NAV3: variants seen among roughly 807,000 people sequenced by gnomAD.
NAV3 encodes neuron navigator 3.
NAV3 carries 87 observed loss-of-function variants against 244.7 expected under a neutral mutation model. That is an observed-to-expected ratio of 0.36 (90% CI 0.30 to 0.42). The LOEUF is 0.42. NAV3 is among the 20% of genes least tolerant of loss of function. The pLI is 1.00. For missense variants in NAV3, 2,663 were observed against 2,893.3 expected (o/e 0.92, Z 1.83); for synonymous variants, 1,126 against 1,042.2 (o/e 1.08, Z -1.55).
At chr12:77,957,718 G>T (rs1482456548) in intron 3 of NAV3, among the ~76,000 whole-genome samples, 1 of 152,066 alleles carries the variant, frequency 6.6e-6, no homozygotes, top group Non-Finnish European at 1.5e-5. Flanking sequence ...TGGCTGGAGT[G>T]TAGTGGGGTG....
chr12:78,117,895 A>T, intron 13 of NAV3, 132 bp from the exon 14 acceptor site: 1 of 909,820 alleles, frequency 1.1e-6, no homozygotes, highest in Non-Finnish European at 1.5e-6. Flanking sequence ...AAAATTAATA[A>T]AATGTAAGTG....
intron 16 of NAV3, among the ~76,000 whole-genome samples, chr12:78,123,756 C>T (rs1955783648): frequency 6.6e-6 from 1 of 152,124 alleles, no homozygotes; most frequent in Admixed American, 6.5e-5. Context: ...TCAGTGATAG[C>T]AAATAAAATG....
chr12:77,956,908 G>T (rs897069732), intron 3 of NAV3, among the ~76,000 whole-genome samples: 8 of 151,736 alleles, frequency 5.3e-5, no homozygotes, highest in Non-Finnish European at 1.2e-4. Flanking sequence ...ACACCCAGCT[G>T]ATTTTTGTAT....
chr12:77,751,260 T>C (rs1413282018), intron 2 of NAV3, among the ~76,000 whole-genome samples: 1 of 152,254 alleles, frequency 6.6e-6, no homozygotes, highest in African/African-American at 2.4e-5. Context: ...AGCCTCTTTG[T>C]AGCCTCTTTT....
At chr12:78,181,877 C>T (rs1191347615) in intron 30 of NAV3, among the ~76,000 whole-genome samples, 1 of 151,904 alleles carries the variant, frequency 6.6e-6, no homozygotes, top group Non-Finnish European at 1.5e-5. Context: ...AATGACATGG[C>T]ATGCTGATAT....
chr12:77,850,162 G>A (rs968896565), intron 1 of NAV3, among the ~76,000 whole-genome samples: 3 of 152,202 alleles, frequency 2.0e-5, no homozygotes, highest in Non-Finnish European at 2.9e-5. Flanking sequence ...TAGAAAATCA[G>A]TAAGGAGGTG....
At chr12:77,807,181 C>T (rs144518230) in intron 2 of NAV3, among the ~76,000 whole-genome samples, 5 of 152,218 alleles carry the variant, frequency 3.3e-5, no homozygotes, top group South Asian at 2.1e-4. Flanking sequence ...GTACATTTAA[C>T]GTTAATATCG....
chr12:78,164,200 G>A (rs1023170922), intron 23 of NAV3, among the ~76,000 whole-genome samples: 1 of 152,066 alleles, frequency 6.6e-6, no homozygotes, highest in Admixed American at 6.6e-5. Flanking sequence ...GTTCCCTGTA[G>A]CTGTCATGCC....
At chr12:78,207,906 G>A (rs1272585477) in intron 39 of NAV3, among the ~76,000 whole-genome samples, 1 of 152,150 alleles carries the variant, frequency 6.6e-6, no homozygotes, top group Non-Finnish European at 1.5e-5. Flanking sequence ...AAGGAGATAG[G>A]ATGGAATCTG....
intron 2 of NAV3, among the ~76,000 whole-genome samples, chr12:77,625,375 T>C (rs1010158263): frequency 6.6e-6 from 1 of 152,172 alleles, no homozygotes; most frequent in Non-Finnish European, 1.5e-5. Flanking sequence ...TTAAAATATA[T>C]ATGAAAATAC....
chr12:77,953,053 A>G (rs1891045598), intron 3 of NAV3, among the ~76,000 whole-genome samples: 1 of 152,136 alleles, frequency 6.6e-6, no homozygotes, highest in Admixed American at 6.6e-5. Flanking sequence ...CAGGTCAATG[A>G]ATACTGATGT....
At chr12:77,796,056 T>C (rs529478796) in intron 2 of NAV3, among the ~76,000 whole-genome samples, 1 of 152,198 alleles carries the variant, frequency 6.6e-6, no homozygotes, top group South Asian at 2.1e-4. Flanking sequence ...ATTTTGACTT[T>C]CAAGTTTTAT....
chr12:77,767,138 C>T (rs1270579836), intron 2 of NAV3, among the ~76,000 whole-genome samples: 1 of 152,070 alleles, frequency 6.6e-6, no homozygotes, highest in Non-Finnish European at 1.5e-5. Flanking sequence ...ACCTTGTCTA[C>T]TTGTATGATA....
At chr12:77,598,815 G>A (rs1343807517) in intron 2 of NAV3, among the ~76,000 whole-genome samples, 2 of 151,876 alleles carry the variant, frequency 1.3e-5, no homozygotes, top group Admixed American at 6.6e-5. Flanking sequence ...GTTTACCCAT[G>A]TCCCTTTGGG....
intron 1 of NAV3, among the ~76,000 whole-genome samples, chr12:77,839,273 C>T (rs1324578964): frequency 1.3e-5 from 2 of 152,190 alleles, no homozygotes; most frequent in African/African-American, 4.8e-5. Flanking sequence ...TTGGTCTTTA[C>T]TAACTTAAAT....
At chr12:78,024,516 G>A (rs1877679448) in intron 9 of NAV3, among the ~76,000 whole-genome samples, 1 of 152,030 alleles carries the variant, frequency 6.6e-6, no homozygotes, top group Non-Finnish European at 1.5e-5. Context: ...AAAAGTTCAT[G>A]AACCACTGTC....
chr12:77,659,781 T>G lies in NAV3; in HGVS notation c.72+87515T>G, dbSNP rs1001022336. ...TACACCATGGAATACTATGCAGCCA[T>G]AAAAAATGATGAGTTCATGTCCTTT... On this transcript the variant is annotated intron_variant, in intron 2 of 8. Transcript: ENST00000550042. Among the ~76,000 whole-genome samples the G allele has an allele frequency of 3.2e-4, 49 of 152,212 alleles. 1 individual carries two copies. The highest frequency in any genetic ancestry group is 1.1e-3 in the African/African-American group (45 of 41,528).
chr12:77,899,958 G>A (rs1885072412), intron 1 of NAV3, among the ~76,000 whole-genome samples: 1 of 152,044 alleles, frequency 6.6e-6, no homozygotes, highest in African/African-American at 2.4e-5. Context: ...GCTGAGGTTT[G>A]GGGCACCAAT....
chr12:78,196,610 A>C (rs559960287), intron 34 of NAV3, among the ~76,000 whole-genome samples: 1 of 152,160 alleles, frequency 6.6e-6, no homozygotes, highest in Non-Finnish European at 1.5e-5. Context: ...ATTAGACAGG[A>C]ATAATACCTG....
Sources: allele counts gnomAD v4.1 joint callset (sites outside exome capture counted in the v4.1 genomes callset), GRCh38; gene constraint gnomAD v4.1.1; transcripts MANE v1.5; gene names NCBI Gene and HGNC (gene_info 2026-07-23, HGNC 2026-07-21).